Variants in CPNE5 observed in about 807,000 individuals in gnomAD.
CPNE5 encodes copine-5.
Under a neutral mutation model 81.1 loss-of-function variants are expected in CPNE5, and 42 were observed. The ratio of observed to expected loss-of-function variants is 0.52; its 90% CI spans 0.40 to 0.67. CPNE5 has a LOEUF of 0.67. Ranked by LOEUF, CPNE5 falls within the 30% of genes least tolerant of loss-of-function variation. The pLI is 0.00. For missense variants in CPNE5, 612 were observed against 815.5 expected (o/e 0.75, Z 3.04); for synonymous variants, 313 against 321.5 (o/e 0.97, Z 0.28).
chr6:36,757,417 A>G (rs952783828), intron 12 of CPNE5: 1 of 960,874 alleles, frequency 1.0e-6, no homozygotes, highest in African/African-American at 1.8e-5. Context: ...TTCCAGCAAG[A>G]AGGAAACTAA....
At chr6:36,759,572 T>G (rs236439) in intron 12 of CPNE5, among the ~76,000 whole-genome samples, 141,638 of 151,760 alleles carry the variant, frequency 0.93, 66,195 homozygotes, top group East Asian at 0.99. Context: ...CTTTGAGGGG[T>G]TGAATAGTGT....
In CPNE5 at chr6:36,746,324, T is replaced by TGC; in HGVS notation, c.1200+71_1200+72insGC. On this transcript the variant is annotated intron_variant, in intron 16 of 20. Transcript: ENST00000244751. The surrounding 1 kb of genome is among the most constrained non-coding windows in gnomAD (Gnocchi z 4.5). ...CCCCGGGCTCAGAGGAAGGGAAACG[T>TGC]CCCCCCACCCCCAGCTTGTCACCTC... 18 of 1,386,204 alleles carry TGC rather than the reference T, an allele frequency of 1.3e-5. No individual in the cohort carries two copies. The highest frequency in any genetic ancestry group is 2.8e-4 in the Middle Eastern group (1 of 3,578). 85.9% of individuals were successfully genotyped at this position (1,386,204 alleles called of 1,614,324 possible).
intron 8 of CPNE5, among the ~76,000 whole-genome samples, chr6:36,781,478 T>C (rs1172417574): frequency 6.6e-6 from 1 of 152,216 alleles, no homozygotes; most frequent in African/African-American, 2.4e-5. Context: ...CTAGAGTGCA[T>C]AACTCAGACA....
chr6:36,825,002 G>A (rs572987941), intron 1 of CPNE5, among the ~76,000 whole-genome samples: 1 of 152,164 alleles, frequency 6.6e-6, no homozygotes, highest in African/African-American at 2.4e-5. Context: ...AGGAGGATCT[G>A]TTCCTCTTTC....
chr6:36,792,184 C>A (rs1769157465), intron 7 of CPNE5, 88 bp from the exon 8 acceptor site: 2 of 1,322,504 alleles, frequency 1.5e-6, no homozygotes, highest in East Asian at 4.7e-5. Context: ...CCTGCCCATC[C>A]TCCCCCGCCC....
chr6:36,795,221 C>T (rs1404109493), intron 6 of CPNE5, among the ~76,000 whole-genome samples: 1 of 152,208 alleles, frequency 6.6e-6, no homozygotes, highest in Non-Finnish European at 1.5e-5. Context: ...CTCTGTCACC[C>T]AGGCTGGAGT....
At position 36,741,847 on chromosome 6, in the gene CPNE5, A is replaced by G; in HGVS notation, c.*421T>C. 5.7e-6 allele frequency: 1 copy of G among 175,536 alleles called. No homozygotes were observed. The allele number at this position is 175,536 out of a possible 1,614,324, so 10.9% of individuals were successfully genotyped here. On this transcript the variant is annotated 3_prime_UTR_variant, in exon 21 of 21. Transcript: ENST00000244751. Reference sequence around the variant, plus strand: ...CAGGATAGACCACAGGGCGGGGCTCAGGGACAGGAGTAGACACCATGGGAG... The same window carrying G: ...CAGGATAGACCACAGGGCGGGGCTCGGGGACAGGAGTAGACACCATGGGAG...
At chr6:36,799,869 A>G in intron 4 of CPNE5, 98 bp downstream of exon 4, 2 of 869,102 alleles carry the variant, frequency 2.3e-6, no homozygotes. Flanking sequence ...GGCTCCCACT[A>G]ATTTCTCAGC....
At chr6:36,756,113 ATCT>A in intron 13 of CPNE5, 129 bp downstream of exon 13, 1 of 245,322 alleles carries the variant, frequency 4.1e-6, no homozygotes, top group Non-Finnish European at 7.5e-6. Flanking sequence ...TCCCCACCCC[ATCT>A]CTCTTGGATG....
chr6:36,791,982 C>T (rs902994740), intron 8 of CPNE5, 51 bp downstream of exon 8: 1 of 1,535,962 alleles, frequency 6.5e-7, no homozygotes, highest in African/African-American at 1.4e-5. Context: ...AGCCTGCACT[C>T]CATCACCCCC....
intron 3 of CPNE5, among the ~76,000 whole-genome samples, chr6:36,813,318 G>A (rs764137565): frequency 2.0e-5 from 3 of 152,148 alleles, no homozygotes; most frequent in Non-Finnish European, 4.4e-5. Context: ...ATCACCTGAG[G>A]TCAGGAGTTC....
chr6:36,836,377 C>T (rs1254735345), intron 1 of CPNE5, among the ~76,000 whole-genome samples: 1 of 152,132 alleles, frequency 6.6e-6, no homozygotes, highest in Non-Finnish European at 1.5e-5. Context: ...GAAGAAGGCT[C>T]TGTGGTAGGG....
chr6:36,744,300 A>G lies in CPNE5; in HGVS notation c.1457T>C (p.Ile486Thr). 6.3e-7 allele frequency: 1 copy of G among 1,584,264 alleles called. No homozygotes were observed. Among genetic ancestry groups the G allele is most frequent in the Non-Finnish European group, 8.6e-7 (1 of 1,165,854 alleles). The change falls in exon 19 of 21, where the codon ATT becomes ACT. Residue 486 changes from isoleucine to threonine, a missense_variant. Ile to Thr is a moderately conservative substitution (Grantham distance 89). Transcript: ENST00000244751. Reference sequence around the variant, plus strand: ...CTCTGCCTGGCCCACGCCGACGATAATGATGGACATGGGGAGCTTGGCAGC... The same window carrying G: ...CTCTGCCTGGCCCACGCCGACGATAGTGATGGACATGGGGAGCTTGGCAGC... ...VNAAKLPMSI[I>T]IVGVGQAEFD...
chr6:36,794,697 C>T (rs374933388), intron 6 of CPNE5, 48 bp from the exon 7 acceptor site: 704 of 1,568,008 alleles, frequency 4.5e-4, no homozygotes, highest in Non-Finnish European at 5.7e-4. Flanking sequence ...CTGAGTACCC[C>T]CACCCAGACA....
intron 14 of CPNE5, among the ~76,000 whole-genome samples, chr6:36,751,268 G>T (rs1014744966): frequency 2.0e-5 from 3 of 152,214 alleles, no homozygotes; most frequent in African/African-American, 7.2e-5. Context: ...ACAGCATCCA[G>T]CCCTTTAACT....
At position 36,746,607 on chromosome 6, in the gene CPNE5, C is replaced by T; in HGVS notation, c.1019-30G>A. 3 of 1,586,860 alleles carry T rather than the reference C, an allele frequency of 1.9e-6. No homozygotes were observed. Among genetic ancestry groups the T allele is most frequent in the Non-Finnish European group, 1.7e-6 (2 of 1,170,400 alleles). On this transcript the variant is annotated intron_variant, in intron 15 of 20. Coordinates refer to ENST00000244751, the MANE Select transcript of CPNE5 (RefSeq NM_020939.2). The surrounding 1 kb of genome is among the most constrained non-coding windows in gnomAD (Gnocchi z 4.5). ...AACACAGGACATGGGAGCCTTTGAC[C>T]ATCTGGACCCTCCAAGTCACCCCGG... is the stretch of plus-strand genomic sequence containing the variant.
chr6:36,743,726 G>C lies in CPNE5; in HGVS notation c.1526C>G (p.Ser509Cys). ...GCGTTCAGCCAGCTTCCCCCGGGAGGAGATCCGCACGTCGTCGCCATCCAG... is the reference window on the plus strand; with the variant it reads ...GCGTTCAGCCAGCTTCCCCCGGGAGCAGATCCGCACGTCGTCGCCATCCAG... ...VELDGDDVRISSRGKLAERDI... is the reference protein window; with the variant it reads ...VELDGDDVRICSRGKLAERDI... Residue 509 changes from serine to cysteine, a missense_variant, in exon 20 of 21, where the codon TCC becomes TGC. Coordinates refer to ENST00000244751, the MANE Select transcript of CPNE5 (RefSeq NM_020939.2). The C allele has an allele frequency of 6.2e-7, 1 of 1,613,270 alleles. No individual in the cohort carries two copies. The highest frequency in any genetic ancestry group is 8.5e-7 in the Non-Finnish European group (1 of 1,180,016).
intron 3 of CPNE5, among the ~76,000 whole-genome samples, chr6:36,818,968 A>G (rs1268899597): frequency 6.6e-6 from 1 of 152,242 alleles, no homozygotes; most frequent in African/African-American, 2.4e-5. Flanking sequence ...CTCAAAAGTC[A>G]TTAGTTCACT....
chr6:36,819,218 T>C (rs757323426), intron 3 of CPNE5, among the ~76,000 whole-genome samples: 1 of 152,234 alleles, frequency 6.6e-6, no homozygotes, highest in Non-Finnish European at 1.5e-5. Context: ...TTCTCCTGCC[T>C]CAGCCTCCCA....
Sources: gnomAD v4.1 joint callset for allele counts (sites outside exome capture counted in the v4.1 genomes callset) on GRCh38, gnomAD v4.1.1 for gene constraint, Gnocchi (gnomAD v3.1) non-coding constraint, MANE v1.5 for transcripts, NCBI Gene and HGNC (gene_info 2026-07-23, HGNC 2026-07-21) for gene names.